MGAT5: variants seen among roughly 807,000 people sequenced by gnomAD.
MGAT5 encodes alpha-1,6-mannosylglycoprotein 6-beta-N-acetylglucosaminyltransferase.
A neutral mutation model predicts 94.3 loss-of-function variants in MGAT5; 30 were observed. The observed-to-expected ratio is 0.32, with a 90% CI of 0.24 to 0.43. MGAT5 has a LOEUF of 0.43. MGAT5 is among the 20% of genes least tolerant of loss of function. The pLI, the probability that MGAT5 is intolerant of heterozygous loss-of-function variation, is 1.00. For synonymous variants in MGAT5, 310 were observed against 322.9 expected (o/e 0.96, Z 0.43); for missense variants, 691 against 905.5 (o/e 0.76, Z 3.04).
chr2:134,312,733 G>A (rs1448642781), intron 2 of MGAT5, among the ~76,000 whole-genome samples: 1 of 152,082 alleles, frequency 6.6e-6, no homozygotes, highest in Non-Finnish European at 1.5e-5. Flanking sequence ...TGCAGTGTTG[G>A]CATTTCAGCA....
At chr2:134,193,064 C>T (rs1679305741) in intron 1 of MGAT5, among the ~76,000 whole-genome samples, 2 of 151,606 alleles carry the variant, frequency 1.3e-5, no homozygotes, top group South Asian at 4.2e-4. Context: ...AGTAATTTCA[C>T]TTGGAAAAGT....
intron 2 of MGAT5, among the ~76,000 whole-genome samples, chr2:134,309,816 T>C (rs775108817): frequency 6.6e-6 from 1 of 152,098 alleles, no homozygotes; most frequent in Non-Finnish European, 1.5e-5. Context: ...TTAATACTAA[T>C]TTACCAAAAA....
intron 10 of MGAT5, among the ~76,000 whole-genome samples, chr2:134,402,471 C>T (rs1683108772): frequency 6.6e-6 from 1 of 152,212 alleles, no homozygotes; most frequent in Admixed American, 6.5e-5. Context: ...CCAGTTCTGA[C>T]AACATGAGTT....
intron 1 of MGAT5, among the ~76,000 whole-genome samples, chr2:134,260,112 T>C (rs907300053): frequency 6.6e-6 from 1 of 152,062 alleles, no homozygotes; most frequent in Non-Finnish European, 1.5e-5. Context: ...CCACTGTAGC[T>C]AGAACGAAGC....
intron 14 of MGAT5, among the ~76,000 whole-genome samples, chr2:134,432,870 G>A (rs1208402792): frequency 6.6e-6 from 1 of 152,188 alleles, no homozygotes; most frequent in Admixed American, 6.5e-5. Context: ...CAAAGCCTTC[G>A]CTACGAGTTG....
chr2:134,295,394 G>T (rs1390710947), intron 2 of MGAT5, among the ~76,000 whole-genome samples: 1 of 152,110 alleles, frequency 6.6e-6, no homozygotes, highest in Non-Finnish European at 1.5e-5. Context: ...GGGAAAATGT[G>T]GTATCTTAGG....
intron 7 of MGAT5, among the ~76,000 whole-genome samples, chr2:134,343,719 G>A (rs1172380810): frequency 6.6e-6 from 1 of 152,146 alleles, no homozygotes; most frequent in Admixed American, 6.5e-5. Context: ...AACATGGGGT[G>A]GACCAGAGAT....
intron 15 of MGAT5, among the ~76,000 whole-genome samples, chr2:134,447,489 G>A (rs539063429): frequency 1.3e-5 from 2 of 152,280 alleles, no homozygotes; most frequent in South Asian, 4.1e-4. Flanking sequence ...CTATGGAAGG[G>A]AATCTGAGCC....
intron 12 of MGAT5, 61 bp downstream of exon 12, chr2:134,413,076 G>A: frequency 6.4e-7 from 1 of 1,574,304 alleles, no homozygotes; most frequent in Admixed American, 1.7e-5. Flanking sequence ...TTTATTGAGT[G>A]CTCATGTAGG....
intron 1 of MGAT5, among the ~76,000 whole-genome samples, chr2:134,125,547 C>T (rs1271260738): frequency 6.6e-6 from 1 of 152,204 alleles, no homozygotes; most frequent in Non-Finnish European, 1.5e-5. Context: ...CAAAGTCTCA[C>T]CAGCAGGCAG....
chr2:134,172,034 G>T (rs1264154153), intron 1 of MGAT5, among the ~76,000 whole-genome samples: 1 of 152,216 alleles, frequency 6.6e-6, no homozygotes. Flanking sequence ...AGAGTAATTG[G>T]ACAAGATTAT....
intron 1 of MGAT5, among the ~76,000 whole-genome samples, chr2:134,245,362 T>C (rs1227778286): frequency 6.6e-6 from 1 of 152,210 alleles, no homozygotes; most frequent in Non-Finnish European, 1.5e-5. Flanking sequence ...TAGGAAATTC[T>C]CTCAACTGTG....
At chr2:134,273,446 G>T (rs1159072377) in intron 2 of MGAT5, among the ~76,000 whole-genome samples, 1 of 152,062 alleles carries the variant, frequency 6.6e-6, no homozygotes, top group Non-Finnish European at 1.5e-5. Context: ...GTTCTCCCTG[G>T]TGTGTCTTTA....
chr2:134,311,173 T>C (rs1686631810), intron 2 of MGAT5, among the ~76,000 whole-genome samples: 1 of 152,210 alleles, frequency 6.6e-6, no homozygotes, highest in South Asian at 2.1e-4. Flanking sequence ...ATTGAATCAG[T>C]TTCCTGTAAC....
intron 12 of MGAT5, among the ~76,000 whole-genome samples, chr2:134,419,156 T>C (rs1169685449): frequency 1.3e-5 from 2 of 152,216 alleles, no homozygotes; most frequent in Admixed American, 6.5e-5. Flanking sequence ...AAATTGATCA[T>C]ATCAACTGCA....
At chr2:134,191,847 C>T (rs372765991) in intron 1 of MGAT5, among the ~76,000 whole-genome samples, 1 of 150,048 alleles carries the variant, frequency 6.7e-6, no homozygotes, top group Non-Finnish European at 1.5e-5. Flanking sequence ...GCGCCCTCCT[C>T]CTCCTGCTCG....
chr2:134,200,466 C>T (rs1679731377), intron 1 of MGAT5, among the ~76,000 whole-genome samples: 1 of 152,188 alleles, frequency 6.6e-6, no homozygotes, highest in South Asian at 2.1e-4. Context: ...AATGGTGTTA[C>T]AAGTCTCTTT....
intron 14 of MGAT5, among the ~76,000 whole-genome samples, chr2:134,437,581 G>T (rs1685229106): frequency 1.3e-5 from 2 of 152,186 alleles, no homozygotes; most frequent in Admixed American, 1.3e-4. Flanking sequence ...TTCTTCTGAT[G>T]TAAATGATGT....
chr2:134,390,402 G>A (rs534568502), intron 10 of MGAT5, among the ~76,000 whole-genome samples: 1 of 152,246 alleles, frequency 6.6e-6, no homozygotes, highest in East Asian at 1.9e-4. Flanking sequence ...TGTGCACAAC[G>A]TGCAGGTTTG....
Sources: allele counts gnomAD v4.1 joint callset (sites outside exome capture counted in the v4.1 genomes callset), GRCh38; gene constraint gnomAD v4.1.1; transcripts MANE v1.5; gene names NCBI Gene and HGNC (gene_info 2026-07-23, HGNC 2026-07-21).